MYO7B: variants seen among roughly 807,000 people sequenced by gnomAD.
MYO7B encodes the protein unconventional myosin-VIIb.
MYO7B carries 212 observed loss-of-function variants against 259.7 expected under a neutral mutation model. That is an observed-to-expected ratio of 0.82 (90% CI 0.73 to 0.91). The LOEUF (loss-of-function observed/expected upper bound fraction) is 0.91. MYO7B is among the 40% of genes least tolerant of loss of function. MYO7B has a pLI of 0.00. For synonymous variants in MYO7B, 1,197 were observed against 1,166.4 expected (o/e 1.03, Z -0.54); for missense variants, 2,732 against 2,813.5 (o/e 0.97, Z 0.66).
chr2:127,536,063 C>G (rs536469339), intron 1 of MYO7B, among the ~76,000 whole-genome samples: 1 of 152,256 alleles, frequency 6.6e-6, no homozygotes, highest in East Asian at 1.9e-4. Flanking sequence ...GGGGGAGAAG[C>G]TGTCTAGCCC....
rs1678898540 is a variant in MYO7B, at chr2:127,577,010, G to A, written c.849+302G>A. Among the ~76,000 whole-genome samples, 1 of 151,922 alleles carries A rather than the reference G, an allele frequency of 6.6e-6. No homozygotes were observed. Among genetic ancestry groups the A allele is most frequent in the East Asian group, 1.9e-4 (1 of 5,164 alleles). The stretch of plus-strand genomic sequence containing the variant: ...GCTCCCGGTGCCCAGTGGGCCACAG[G>A]GAGTTGCCCACATGCCTCCTGCTCC... On this transcript the variant is annotated intron_variant, in intron 8 of 47. Transcript: ENST00000409816. The surrounding 1 kb of genome is among the most constrained non-coding windows in gnomAD (Gnocchi z 5.2).
intron 9 of MYO7B, 136 bp downstream of exon 9, chr2:127,578,422 T>A: frequency 8.4e-7 from 1 of 1,192,810 alleles, no homozygotes; most frequent in Non-Finnish European, 1.2e-6. Flanking sequence ...ATCTAAAAAA[T>A]TCAGCTGTGA....
chr2:127,622,929 G>T (rs1441076819), intron 28 of MYO7B, among the ~76,000 whole-genome samples: 1 of 152,232 alleles, frequency 6.6e-6, no homozygotes, highest in East Asian at 1.9e-4. Flanking sequence ...GCCTCAGGCT[G>T]CCCCCACTGG....
In MYO7B at chr2:127,628,484, C is replaced by A; in HGVS notation, c.4573C>A (p.Leu1525Met). 6.6e-7 allele frequency: 1 copy of A among 1,507,692 alleles called. No individual in the cohort carries two copies. Among genetic ancestry groups the A allele is most frequent in the Admixed American group, 2.1e-5 (1 of 48,118 alleles). The allele number at this position is 1,507,692 out of a possible 1,614,324, so 93.4% of individuals were successfully genotyped here. ...GCTGGTGGCCCTGTTCCTGGAGGGC[C>A]TGAAGGAGAGGTCCATTTTCGCCAT... Reference protein sequence around the residue: ...AELVALFLEGLKERSIFAMAL... With the variant: ...AELVALFLEGMKERSIFAMAL... The change falls in exon 34 of 48, where the codon CTG (leucine) becomes ATG (methionine). Residue 1525 changes from leucine (L) to methionine (M), a missense_variant. Physicochemically the swap from Leu to Met is conservative, Grantham distance 15 (BLOSUM62 2). This residue lies in a region of MYO7B where 1,906 missense variants were observed against 2,026.4 expected (regional missense o/e 0.94). Coordinates refer to ENST00000409816, the MANE Select transcript of MYO7B (RefSeq NM_001393586.1). This position sits in a 1 kb window ranked among gnomAD's most constrained non-coding sequence, Gnocchi z 4.8.
intron 11 of MYO7B, 140 bp from the exon 12 acceptor site, chr2:127,582,164 T>C (rs1402698915): frequency 2.1e-6 from 3 of 1,463,186 alleles, no homozygotes; most frequent in African/African-American, 2.8e-5. Flanking sequence ...CCTCAGCCTC[T>C]TGGGCCCTGG....
rs1056115276 is a variant in MYO7B at position 127,577,689 on chromosome 2, C to T, written c.850-444C>T. Among the ~76,000 whole-genome samples the T allele has an allele frequency of 1.1e-4, 16 of 152,244 alleles. No individual in the cohort carries two copies. Among genetic ancestry groups the T allele is most frequent in the Admixed American group, 9.8e-4 (15 of 15,292 alleles). ...AGCCTTTCTCCACCTCTCGATAGGG[C>T]TGGCCCCGGCCCCTGTGGTCTGGGC... On this transcript the variant is annotated intron_variant, in intron 8 of 47. Transcript: ENST00000409816. The surrounding 1 kb of genome is among the most constrained non-coding windows in gnomAD (Gnocchi z 5.2).
At chr2:127,560,783 C>G (rs115044707) in intron 2 of MYO7B, among the ~76,000 whole-genome samples, 2,587 of 152,252 alleles carry the variant, frequency 0.017, 31 homozygotes, top group Non-Finnish European at 0.03. Context: ...GAAAATGCCC[C>G]GAATGTTCTC....
Position 127,609,838 on chromosome 2 carries a change from T to C in MYO7B, c.3025-11T>C. 6.2e-7 allele frequency: 1 copy of C among 1,613,508 alleles called. No homozygotes were observed. The highest frequency in any genetic ancestry group is 8.5e-7 in the Non-Finnish European group (1 of 1,179,626). Reference sequence around the variant, plus strand: ...TGGGTTCCCACTGGGCCTTCTGTCTTGTTTCCCCAGGCCGCCCTGGTCATA... The same window carrying C: ...TGGGTTCCCACTGGGCCTTCTGTCTCGTTTCCCCAGGCCGCCCTGGTCATA... On this transcript the variant is annotated splice_polypyrimidine_tract_variant and intron_variant, in intron 23 of 47. Transcript: ENST00000409816. This position sits in a 1 kb window ranked among gnomAD's most constrained non-coding sequence, Gnocchi z 6.9.
Position 127,636,099 on chromosome 2 carries a change from C to A in MYO7B, c.6007-109C>A. The A allele has an allele frequency of 9.1e-7, 1 of 1,093,860 alleles. No homozygotes were observed. The highest frequency in any genetic ancestry group is 1.3e-6 in the Non-Finnish European group (1 of 748,114). The allele number at this position is 1,093,860 out of a possible 1,614,324, so 67.8% of individuals were successfully genotyped here. A position where few individuals can be genotyped will look rare whatever the true frequency, so the allele number is the denominator to read the frequency against. On this transcript the variant is annotated intron_variant, in intron 44 of 47. Coordinates refer to ENST00000409816, the MANE Select transcript of MYO7B (RefSeq NM_001393586.1). This position sits in a 1 kb window ranked among gnomAD's most constrained non-coding sequence, Gnocchi z 4.5. The stretch of plus-strand genomic sequence containing the variant: ...CGAGACTGTCCCATGCTGCATTCCT[C>A]CCCTCCCCTCCCCACCGTACTAGCC...
intron 10 of MYO7B, 26 bp from the exon 11 acceptor site, chr2:127,581,865 G>A (rs770219218): frequency 2.2e-5 from 36 of 1,612,624 alleles, no homozygotes; most frequent in East Asian, 4.5e-5. Flanking sequence ...CCACAGGTGC[G>A]ACGCAGCCCC....
At chr2:127,617,893 A>G (rs1320440078) in intron 26 of MYO7B, among the ~76,000 whole-genome samples, 2 of 146,506 alleles carry the variant, frequency 1.4e-5, no homozygotes, top group Non-Finnish European at 3.0e-5. Context: ...TTCCTCGCTC[A>G]AGTCCTTATA....
rs568511197 is a variant in MYO7B, at chr2:127,544,732, T to C, written c.-24+8901T>C. On this transcript the variant is annotated intron_variant, in intron 1 of 47. Transcript: ENST00000409816. ...AGTAGCTGGGACTACAGGCGCCTGC[T>C]ACCACGCCCAGCTAATTTTTTGTAT... is the stretch of plus-strand genomic sequence containing the variant. Among the ~76,000 whole-genome samples, 295 of 152,094 alleles carry C rather than the reference T, an allele frequency of 1.9e-3. 2 individuals are homozygous for C. The highest frequency in any genetic ancestry group is 0.01 in the South Asian group (50 of 4,808).
At chr2:127,579,342 T>A (rs1284112538) in intron 9 of MYO7B, among the ~76,000 whole-genome samples, 4 of 152,122 alleles carry the variant, frequency 2.6e-5, no homozygotes, top group Non-Finnish European at 4.4e-5. Flanking sequence ...CAATGGGGTG[T>A]CCATATAGAA....
At chr2:127,561,668 G>A (rs1404486222) in intron 2 of MYO7B, among the ~76,000 whole-genome samples, 3 of 152,124 alleles carry the variant, frequency 2.0e-5, no homozygotes, top group Non-Finnish European at 2.9e-5. Context: ...CCTGTGAAGC[G>A]GGCCCTTTCA....
In MYO7B at chr2:127,608,786, A is replaced by G. The variant is rs1325468144; in HGVS notation, c.2722A>G (p.Thr908Ala). Residue 908 changes from threonine (T) to alanine (A), a missense_variant, in exon 22 of 48, where the codon ACC (threonine) becomes GCC (alanine). Physicochemically the swap from Thr to Ala is moderately conservative, Grantham distance 58. Around this residue, in one of 3 missense-constraint regions of MYO7B, gnomAD observed 1,906 missense variants for 2,026.4 expected, o/e 0.94. Transcript: ENST00000409816. ...CAAGAAGCGCAGATCCATCTACGAC[A>G]CCGTCACTGACACGGAGATGGTGGA... Reference protein sequence around the residue: ...PAKKRRSIYDTVTDTEMVEKV... With the variant: ...PAKKRRSIYDAVTDTEMVEKV... 1 of 1,613,332 alleles carries G rather than the reference A, an allele frequency of 6.2e-7. No individual in the cohort carries two copies. The highest frequency in any genetic ancestry group is 2.2e-5 in the East Asian group (1 of 44,884).
intron 40 of MYO7B, among the ~76,000 whole-genome samples, chr2:127,633,669 C>T (rs1558855218): frequency 6.6e-6 from 1 of 152,294 alleles, no homozygotes; most frequent in East Asian, 1.9e-4. Flanking sequence ...TTCTGACCAT[C>T]TGGGGTGCAG....
chr2:127,586,171 A>AT lies in MYO7B; in HGVS notation c.1690+1265dup, dbSNP rs751631469. ...ATTTATCCCTATGTTTTCTTCTAAG[A>AT]TTTTTTTAGTGTTAGTTTTTACGTT... is the stretch of plus-strand genomic sequence containing the variant. On this transcript the variant is annotated intron_variant, in intron 14 of 47. Transcript: ENST00000409816. The surrounding 1 kb of genome is among the most constrained non-coding windows in gnomAD (Gnocchi z 4.8). Among the ~76,000 whole-genome samples the AT allele has an allele frequency of 2.6e-5, 4 of 152,050 alleles. No homozygotes were observed. The highest frequency in any genetic ancestry group is 5.9e-5 in the Non-Finnish European group (4 of 68,008).
chr2:127,635,453 G>T, intron 43 of MYO7B: 3 of 625,140 alleles, frequency 4.8e-6, no homozygotes, highest in Non-Finnish European at 8.4e-6. Context: ...TGGAGAGGGT[G>T]GGACAGAGGG....
At chr2:127,570,042 A>C in intron 6 of MYO7B, 132 bp downstream of exon 6, 10 of 1,138,494 alleles carry the variant, frequency 8.8e-6, no homozygotes, top group Non-Finnish European at 1.2e-5. Flanking sequence ...GACACAAAAC[A>C]CAAGGGTGGG....
Sources: allele counts gnomAD v4.1 joint callset (sites outside exome capture counted in the v4.1 genomes callset), GRCh38; gene constraint gnomAD v4.1.1; regional missense constraint gnomAD v4.1.1; non-coding constraint Gnocchi (gnomAD v3.1); transcripts MANE v1.5; gene names NCBI Gene and HGNC (gene_info 2026-07-23, HGNC 2026-07-21).